Variants in ZNF431 observed in about 807,000 individuals in gnomAD.
ZNF431 encodes the protein zinc finger protein 431.
ZNF431 carries 34 observed loss-of-function variants against 57.0 expected under a neutral mutation model. The observed-to-expected ratio is 0.60, with a 90% CI of 0.45 to 0.79. The LOEUF is 0.79. Among genes scored for constraint, ZNF431 ranks in the 30% least tolerant of loss-of-function variants. The probability of loss-of-function intolerance (pLI) is 0.00; values close to 1 mark genes in which losing one functional copy is unlikely to be tolerated. For missense variants in ZNF431, 607 were observed against 667.1 expected (o/e 0.91, Z 0.99); for synonymous variants, 207 against 220.3 (o/e 0.94, Z 0.54).
intron 1 of ZNF431, among the ~76,000 whole-genome samples, chr19:21,142,773 T>C (rs1969977426): frequency 6.6e-6 from 1 of 152,154 alleles, no homozygotes; most frequent in African/African-American, 2.4e-5. Context: ...GTTTCTTAAT[T>C]TGTACAATAA....
rs752607884 is a variant in ZNF431 at position 21,183,959 on chromosome 19, C to G, written c.1656C>G (p.Ser552=). 6.3e-7 allele frequency: 1 copy of G among 1,598,722 alleles called. No individual in the cohort carries two copies. Among genetic ancestry groups the G allele is most frequent in the Non-Finnish European group, 8.5e-7 (1 of 1,175,448 alleles). Reference sequence around the variant, plus strand: ...AATGTGACAATACATTTAACCAGTCCTCAAACCTTATTAAACAAAATAATT... The same window carrying G: ...AATGTGACAATACATTTAACCAGTCGTCAAACCTTATTAAACAAAATAATT... ...CEECDNTFNQ[S]SNLIKQNNSY... is the part of the protein sequence containing the mutation. Residue 552 remains serine (S), a synonymous_variant, in exon 5 of 5, where the codon TCC becomes TCG. Coordinates refer to ENST00000311048, the MANE Select transcript of ZNF431 (RefSeq NM_133473.4).
In ZNF431 at chr19:21,186,179, A is replaced by C. The variant is rs1156461879; in HGVS notation, c.*2145A>C. The C allele has an allele frequency of 6.6e-6, 1 of 152,188 alleles. No homozygotes were observed. Among genetic ancestry groups the C allele is most frequent in the Non-Finnish European group, 1.5e-5 (1 of 68,082 alleles). 9.4% of individuals were successfully genotyped at this position (152,188 alleles called of 1,614,324 possible). A position where few individuals can be genotyped will look rare whatever the true frequency, so the allele number is the denominator to read the frequency against. On this transcript the variant is annotated 3_prime_UTR_variant, in exon 5 of 5. Transcript: ENST00000311048. ...GTGCCTGTAATCCCAGCTACTCAGGAGGCTGAGGCAGGAGAATCGCTTGAA... is the reference window on the plus strand; with the variant it reads ...GTGCCTGTAATCCCAGCTACTCAGGCGGCTGAGGCAGGAGAATCGCTTGAA...
intron 2 of ZNF431, among the ~76,000 whole-genome samples, chr19:21,165,109 AT>A (rs1009458683): frequency 7.2e-6 from 1 of 138,842 alleles, no homozygotes. Context: ...AAAAAAAAAA[AT>A]GTTTTCCTAT....
At chr19:21,154,968 G>A (rs1416775169) in intron 2 of ZNF431, among the ~76,000 whole-genome samples, 1 of 152,132 alleles carries the variant, frequency 6.6e-6, no homozygotes, top group East Asian at 1.9e-4. Context: ...CATTCTGTAA[G>A]TTGCCTGTTC....
chr19:21,181,525 G>A (rs1971210072), intron 4 of ZNF431, among the ~76,000 whole-genome samples: 1 of 151,936 alleles, frequency 6.6e-6, no homozygotes, highest in African/African-American at 2.4e-5. Flanking sequence ...TCTTGTCTGT[G>A]ACTTTCGAAA....
Position 21,191,696 on chromosome 19 carries a change from C to T in ZNF431, c.*7662C>T, listed in dbSNP as rs1027181119. 3.9e-5 allele frequency: 6 copies of T among 152,248 alleles called. No individual in the cohort carries two copies. Among genetic ancestry groups the T allele is most frequent in the Admixed American group, 1.3e-4 (2 of 15,292 alleles). 9.4% of individuals were successfully genotyped at this position (152,248 alleles called of 1,614,324 possible). On this transcript the variant is annotated 3_prime_UTR_variant, in exon 5 of 5. Transcript: ENST00000311048. ...CTGTATTTAAAATCAACTGTAAATA[C>T]ATGGATATATTTCTGCTGTTTTTTT...
intron 2 of ZNF431, among the ~76,000 whole-genome samples, chr19:21,144,023 G>C (rs1970014384): frequency 6.6e-6 from 1 of 151,624 alleles, no homozygotes; most frequent in African/African-American, 2.4e-5. Flanking sequence ...AGCAGGAGTG[G>C]GTGGAAGAAT....
chr19:21,168,567 C>T (rs1286470627), intron 4 of ZNF431, among the ~76,000 whole-genome samples: 1 of 152,058 alleles, frequency 6.6e-6, no homozygotes, highest in Non-Finnish European at 1.5e-5. Flanking sequence ...GGGGTTTCAC[C>T]GTGCTGTTCA....
intron 2 of ZNF431, among the ~76,000 whole-genome samples, chr19:21,157,984 T>G (rs1161537473): frequency 6.6e-6 from 1 of 152,080 alleles, no homozygotes; most frequent in Non-Finnish European, 1.5e-5. Flanking sequence ...GCCTCCAGCT[T>G]TGTTCTTTTT....
intron 2 of ZNF431, among the ~76,000 whole-genome samples, chr19:21,146,256 A>G (rs779515623): frequency 1.4e-4 from 21 of 152,172 alleles, no homozygotes; most frequent in South Asian, 4.1e-4. Flanking sequence ...CTAAAAACAT[A>G]AAAATTAGCC....
intron 2 of ZNF431, among the ~76,000 whole-genome samples, chr19:21,163,364 G>A (rs1970629231): frequency 6.6e-6 from 1 of 152,220 alleles, no homozygotes; most frequent in South Asian, 2.1e-4. Flanking sequence ...CTGAGTGTAA[G>A]GGACTCTGTG....
At chr19:21,174,316 A>G (rs1970989921) in intron 4 of ZNF431, among the ~76,000 whole-genome samples, 1 of 152,210 alleles carries the variant, frequency 6.6e-6, no homozygotes, top group South Asian at 2.1e-4. Context: ...TGAATTTTCT[A>G]TTATTGCAAA....
Position 21,183,283 on chromosome 19 carries a change from A to T in ZNF431, c.980A>T (p.Gln327Leu). 1 of 1,613,446 alleles carries T rather than the reference A, an allele frequency of 6.2e-7. No individual in the cohort carries two copies. The highest frequency in any genetic ancestry group is 8.5e-7 in the Non-Finnish European group (1 of 1,179,734). Reference sequence around the variant, plus strand: ...GAAGAATGTGGCAAAGCTTTTAACCAGTCTTCAACCCTTAGTACACATAAG... The same window carrying T: ...GAAGAATGTGGCAAAGCTTTTAACCTGTCTTCAACCCTTAGTACACATAAG... ...KCEECGKAFN[Q>L]SSTLSTHKFI... is the part of the protein sequence containing the mutation. The change falls in exon 5 of 5, where the codon CAG becomes CTG. Residue 327 changes from glutamine (Q) to leucine (L), a missense_variant. By Grantham distance (113) the Gln-to-Leu change is moderately radical (BLOSUM62 -2). Coordinates refer to ENST00000311048, the MANE Select transcript of ZNF431 (RefSeq NM_133473.4).
intron 2 of ZNF431, among the ~76,000 whole-genome samples, chr19:21,165,600 T>C (rs1970699121): frequency 6.6e-6 from 1 of 152,218 alleles, no homozygotes; most frequent in African/African-American, 2.4e-5. Context: ...CTGTGACTTT[T>C]TTTCACTATA....
rs1264416750 is a variant in ZNF431, at chr19:21,195,262, A to G, written c.*11228A>G. Reference sequence around the variant, plus strand: ...TTTCTGCAATTTCTGCTGCTTCTTAAGATGCTTTTAATGAATAAAATCTGC... The same window carrying G: ...TTTCTGCAATTTCTGCTGCTTCTTAGGATGCTTTTAATGAATAAAATCTGC... On this transcript the variant is annotated 3_prime_UTR_variant, in exon 5 of 5. Transcript: ENST00000311048. 2 of 152,220 alleles carry G rather than the reference A, an allele frequency of 1.3e-5. No homozygotes were observed. Among genetic ancestry groups the G allele is most frequent in the African/African-American group, 4.8e-5 (2 of 41,470 alleles). 9.4% of individuals were successfully genotyped at this position (152,220 alleles called of 1,614,324 possible). A position where few individuals can be genotyped will look rare whatever the true frequency, so the allele number is the denominator to read the frequency against.
At position 21,184,220 on chromosome 19, in the gene ZNF431, C is replaced by A; in HGVS notation, c.*186C>A. On this transcript the variant is annotated 3_prime_UTR_variant, in exon 5 of 5. Coordinates refer to ENST00000311048, the MANE Select transcript of ZNF431 (RefSeq NM_133473.4). ...CAAAAATTATCTGGGTGTGGTGGCA[C>A]GTGCCTGTATTCCCATCTACTCGGG... The A allele has an allele frequency of 1.9e-6, 1 of 518,124 alleles. No individual in the cohort carries two copies. The highest frequency in any genetic ancestry group is 3.3e-5 in the East Asian group (1 of 30,436). The allele number at this position is 518,124 out of a possible 1,614,324, so 32.1% of individuals were successfully genotyped here. A position where few individuals can be genotyped will look rare whatever the true frequency, so the allele number is the denominator to read the frequency against.
At chr19:21,145,859 G>A (rs1309824413) in intron 2 of ZNF431, among the ~76,000 whole-genome samples, 4 of 152,138 alleles carry the variant, frequency 2.6e-5, no homozygotes, top group Admixed American at 1.3e-4. Context: ...GAAGGTGGGA[G>A]GGGAATGGCA....
intron 2 of ZNF431, chr19:21,151,112 C>G (rs527723111): frequency 3.8e-4 from 57 of 151,834 alleles, no homozygotes; most frequent in African/African-American, 1.4e-3. Flanking sequence ...AATGCAGTGG[C>G]GCTCGCTATC....
At chr19:21,175,181 A>G (rs1471665473) in intron 4 of ZNF431, among the ~76,000 whole-genome samples, 7 of 152,174 alleles carry the variant, frequency 4.6e-5, no homozygotes, top group Admixed American at 1.3e-4. Context: ...TTCTTGAGTA[A>G]CTGGGTTGCA....
Sources: allele counts gnomAD v4.1 joint callset (sites outside exome capture counted in the v4.1 genomes callset), GRCh38; gene constraint gnomAD v4.1.1; transcripts MANE v1.5; gene names NCBI Gene and HGNC (gene_info 2026-07-23, HGNC 2026-07-21).